ZNF732: variants seen among roughly 807,000 people sequenced by gnomAD.
The protein encoded by ZNF732 is zinc finger protein 732.
In ZNF732, 12 loss-of-function variants were observed where a neutral mutation model predicts 11.5. That is an observed-to-expected ratio of 1.05 (90% CI 0.67 to 1.70). ZNF732 has a LOEUF of 1.70. Among genes scored for constraint, ZNF732 ranks in the 40% most tolerant of loss-of-function variants. The pLI, the probability that ZNF732 is intolerant of heterozygous loss-of-function variation, is 0.00. For synonymous variants in ZNF732, 231 were observed against 236.5 expected (o/e 0.98, Z 0.21); for missense variants, 702 against 676.9 (o/e 1.04, Z -0.41).
At chr4:295,579 A>G (rs782456102) in intron 2 of ZNF732, 46 bp from the exon 3 acceptor site, 3 of 1,446,294 alleles carry the variant, frequency 2.1e-6, no homozygotes, top group South Asian at 2.4e-5. Context: ...GGATTCTCCA[A>G]TTACCTACCT....
chr4:278,329 T>G (rs1342752668), intron 3 of ZNF732, among the ~76,000 whole-genome samples: 4 of 152,238 alleles, frequency 2.6e-5, no homozygotes, highest in African/African-American at 9.6e-5. Flanking sequence ...TATTTACACA[T>G]GCATGTTAAT....
chr4:272,431 C>G lies in ZNF732; in HGVS notation c.426G>C (p.Gln142His). The change falls in exon 4 of 4, where the codon CAG becomes CAC. Residue 142 changes from glutamine to histidine, a missense_variant. Gln to His is a conservative substitution (Grantham distance 24). Around this residue, in one of 3 missense-constraint regions of ZNF732, gnomAD observed 596 missense variants for 557.9 expected, o/e 1.07. Transcript: ENST00000419098. ...TAAATACTTTGACATGTACATTACA[C>G]TGAAATATTTTGCTCTGGATAGTTG... The part of the protein sequence containing the change: ...CLSTIQSKIF[Q>H]CNVHVKVFST... 6.3e-7 allele frequency: 1 copy of G among 1,598,614 alleles called. No homozygotes were observed. Among genetic ancestry groups the G allele is most frequent in the East Asian group, 2.3e-5 (1 of 44,352 alleles).
chr4:281,745 AT>A (rs1198852907), intron 3 of ZNF732, among the ~76,000 whole-genome samples: 1 of 152,230 alleles, frequency 6.6e-6, no homozygotes, highest in Non-Finnish European at 1.5e-5. Flanking sequence ...TGAAAGAGGT[AT>A]TTACTCCTTC....
chr4:272,114 T>A lies in ZNF732; in HGVS notation c.743A>T (p.Lys248Ile). 1 of 1,612,736 alleles carries A rather than the reference T, an allele frequency of 6.2e-7. No homozygotes were observed. The highest frequency in any genetic ancestry group is 8.5e-7 in the Non-Finnish European group (1 of 1,179,286). ...GCCACATTCTTCATATTTGTAAGAT[T>A]TCTCTCCAGTATGAACTTTATGTTT... is the stretch of plus-strand genomic sequence containing the variant. ...FAKHKVHTGE[K>I]SYKYEECGKA... is the part of the protein sequence containing the mutation. The change falls in exon 4 of 4, where the codon AAA becomes ATA. Residue 248 changes from lysine to isoleucine, a missense_variant. By Grantham distance (102) the Lys-to-Ile change is moderately radical. Transcript: ENST00000419098.
chr4:285,651 C>T (rs188787586), intron 3 of ZNF732, among the ~76,000 whole-genome samples: 4 of 152,274 alleles, frequency 2.6e-5, no homozygotes, highest in East Asian at 1.9e-4. Flanking sequence ...AATCACAAGA[C>T]GATTCACAGT....
In ZNF732 at chr4:295,519, T is replaced by G. The variant is rs1002425408; in HGVS notation, c.145A>C (p.Asn49His). 1 of 1,612,536 alleles carries G rather than the reference T, an allele frequency of 6.2e-7. No individual in the cohort carries two copies. Among genetic ancestry groups the G allele is most frequent in the African/African-American group, 1.3e-5 (1 of 75,014 alleles). ...NLISLGVAISNPDLVIYLEQR... is the reference protein window; with the variant it reads ...NLISLGVAISHPDLVIYLEQR... ...TCCAGATAGATGACCAGGTCTGGGT[T>G]AGAGATAGCAACACCTGTTTATTTT... The change falls in exon 3 of 4, where the codon AAC becomes CAC. Residue 49 changes from asparagine (N) to histidine (H), a missense_variant. Asn to His is a moderately conservative substitution (Grantham distance 68, BLOSUM62 1). Coordinates refer to ENST00000419098, the MANE Select transcript of ZNF732 (RefSeq NM_001137608.3).
chr4:277,566 A>T (rs1445185818), intron 3 of ZNF732, among the ~76,000 whole-genome samples: 2 of 152,018 alleles, frequency 1.3e-5, no homozygotes, highest in Admixed American at 1.3e-4. Flanking sequence ...ACAATATAAG[A>T]CTTGACTCCA....
intron 3 of ZNF732, among the ~76,000 whole-genome samples, chr4:275,730 T>C (rs782286648): frequency 6.6e-6 from 1 of 151,768 alleles, no homozygotes. Flanking sequence ...TAATGAAATA[T>C]TACTCAGTTT....
chr4:284,536 A>G (rs1358909162), intron 3 of ZNF732, among the ~76,000 whole-genome samples: 1 of 152,140 alleles, frequency 6.6e-6, no homozygotes, highest in Non-Finnish European at 1.5e-5. Flanking sequence ...TAGGATAATA[A>G]AGAAAATAAT....
intron 3 of ZNF732, among the ~76,000 whole-genome samples, chr4:292,588 T>C (rs1719861127): frequency 1.3e-5 from 2 of 149,486 alleles, no homozygotes. Context: ...AATATCCCTA[T>C]CCGAAATGTA....
intron 1 of ZNF732, among the ~76,000 whole-genome samples, chr4:297,841 TCA>T (rs1161044564): frequency 1.3e-5 from 2 of 152,144 alleles, no homozygotes; most frequent in Non-Finnish European, 2.9e-5. Context: ...CCGAGAGATT[TCA>T]GTGTGGGGTC....
chr4:284,557 A>T (rs1279459534), intron 3 of ZNF732, among the ~76,000 whole-genome samples: 1 of 152,122 alleles, frequency 6.6e-6, no homozygotes, highest in East Asian at 1.9e-4. Context: ...AAAAAACAGA[A>T]CAGAAACAAA....
chr4:298,946 A>G (rs1483526160), intron 1 of ZNF732, among the ~76,000 whole-genome samples: 3 of 152,196 alleles, frequency 2.0e-5, no homozygotes, highest in African/African-American at 4.8e-5. Flanking sequence ...CCACACAACT[A>G]TATCAGGTCA....
chr4:279,382 C>T (rs1266534535), intron 3 of ZNF732, among the ~76,000 whole-genome samples: 1 of 150,814 alleles, frequency 6.6e-6, no homozygotes, highest in Non-Finnish European at 1.5e-5. Context: ...GGAGGCAGAG[C>T]TTGCAGTGAG....
chr4:277,744 T>G (rs1553838978), intron 3 of ZNF732, among the ~76,000 whole-genome samples: 1 of 152,110 alleles, frequency 6.6e-6, no homozygotes. Flanking sequence ...CACTGTTTCT[T>G]TGACTCCCCA....
At chr4:282,177 T>C (rs1377273121) in intron 3 of ZNF732, among the ~76,000 whole-genome samples, 2 of 152,098 alleles carry the variant, frequency 1.3e-5, no homozygotes, top group African/African-American at 4.8e-5. Context: ...ATAAAGCATA[T>C]AGCTTCAATA....
intron 3 of ZNF732, among the ~76,000 whole-genome samples, chr4:274,891 T>C (rs1339779196): frequency 2.6e-5 from 4 of 151,638 alleles, no homozygotes; most frequent in African/African-American, 7.2e-5. Flanking sequence ...CTCCCCCACA[T>C]TGAGTTCCAA....
intron 3 of ZNF732, among the ~76,000 whole-genome samples, chr4:283,326 G>A (rs1351035692): frequency 1.3e-5 from 2 of 151,846 alleles, no homozygotes; most frequent in African/African-American, 2.4e-5. Flanking sequence ...AAACACTCGC[G>A]AAATGTCTGA....
In ZNF732 at chr4:296,018, G is replaced by A; in HGVS notation, c.130+11C>T. On this transcript the variant is annotated intron_variant, in intron 2 of 3. Transcript: ENST00000419098. Reference sequence around the variant, plus strand: ...GGAGTATTAGGAATTATTTACTGAAGTTATCCTCACCCAGGGAGATCAGGT... The same window carrying A: ...GGAGTATTAGGAATTATTTACTGAAATTATCCTCACCCAGGGAGATCAGGT... The A allele has an allele frequency of 6.2e-7, 1 of 1,607,732 alleles. No individual in the cohort carries two copies. Among genetic ancestry groups the A allele is most frequent in the Non-Finnish European group, 8.5e-7 (1 of 1,178,662 alleles).
Sources: gnomAD v4.1 joint callset for allele counts (sites outside exome capture counted in the v4.1 genomes callset) on GRCh38, gnomAD v4.1.1 for gene constraint, gnomAD v4.1.1 regional missense constraint, MANE v1.5 for transcripts, NCBI Gene and HGNC (gene_info 2026-07-23, HGNC 2026-07-21) for gene names.